Variants in FAM110B observed in about 807,000 individuals in gnomAD.
FAM110B encodes the protein protein FAM110B.
In FAM110B, 6 loss-of-function variants were observed where a neutral mutation model predicts 20.4. The ratio of observed to expected loss-of-function variants is 0.29; its 90% CI spans 0.16 to 0.58. The LOEUF (loss-of-function observed/expected upper bound fraction) is 0.58, where lower values mean the gene tolerates loss of function less well. Among genes scored for constraint, FAM110B ranks in the 20% least tolerant of loss-of-function variants. The pLI, the probability that FAM110B is intolerant of heterozygous loss-of-function variation, is 0.90. For synonymous variants in FAM110B, 226 were observed against 214.1 expected, an observed-to-expected ratio of 1.06 and a Z score of -0.49; for missense variants, 434 against 498.2, an observed-to-expected ratio of 0.87 and a Z score of 1.23.
chr8:58,119,377 G>A (rs549401092), intron 3 of FAM110B, among the ~76,000 whole-genome samples: 1 of 152,292 alleles, frequency 6.6e-6, no homozygotes, highest in Non-Finnish European at 1.5e-5. Flanking sequence ...CTCGCATGGG[G>A]GAAGGGACAG....
At chr8:57,999,219 G>A (rs1484628229) in intron 1 of FAM110B, among the ~76,000 whole-genome samples, 2 of 152,196 alleles carry the variant, frequency 1.3e-5, no homozygotes, top group South Asian at 4.1e-4. Flanking sequence ...GTTCAAAAAT[G>A]AATACCTAAG....
At chr8:58,008,751 G>T (rs370911176) in intron 1 of FAM110B, among the ~76,000 whole-genome samples, 9 of 152,286 alleles carry the variant, frequency 5.9e-5, no homozygotes, top group African/African-American at 2.2e-4. Flanking sequence ...CTGAACTAAG[G>T]CTGACACCAG....
chr8:58,107,376 C>A (rs1424633568), intron 3 of FAM110B, among the ~76,000 whole-genome samples: 1 of 151,794 alleles, frequency 6.6e-6, no homozygotes, highest in East Asian at 1.9e-4. Flanking sequence ...AAAAGAAGGC[C>A]CACCGGGATT....
rs576283823 is a variant in FAM110B at position 58,083,617 on chromosome 8, G to A, written c.-325+7994G>A. On this transcript the variant is annotated intron_variant, in intron 3 of 3. Transcript: ENST00000519262. ...TTAATTCCGCTATTTCGGGGAAGTG[G>A]CACCTTTAAAAGCCCACACTCCAGG... Among the ~76,000 whole-genome samples, 18 of 152,274 alleles carry A rather than the reference G, an allele frequency of 1.2e-4. 1 individual carries two copies. In the South Asian group the frequency reaches 3.7e-3, roughly 32 times the overall value.
intron 2 of FAM110B, among the ~76,000 whole-genome samples, chr8:58,064,065 T>G (rs1585854652): frequency 6.6e-6 from 1 of 151,966 alleles, no homozygotes; most frequent in Non-Finnish European, 1.5e-5. Flanking sequence ...ATGGGGAAGG[T>G]GCCACACATT....
intron 1 of FAM110B, among the ~76,000 whole-genome samples, chr8:58,015,015 G>A (rs973166531): frequency 3.9e-5 from 6 of 152,154 alleles, no homozygotes; most frequent in African/African-American, 7.2e-5. Context: ...TAGTTGATGA[G>A]TTGATGTTCT....
chr8:58,085,810 C>T (rs995557253), intron 3 of FAM110B, among the ~76,000 whole-genome samples: 1 of 152,200 alleles, frequency 6.6e-6, no homozygotes, highest in African/African-American at 2.4e-5. Context: ...TCCCCCACTG[C>T]AGTTCTTGGG....
At chr8:58,089,743 A>G (rs1170005841) in intron 3 of FAM110B, among the ~76,000 whole-genome samples, 2 of 152,242 alleles carry the variant, frequency 1.3e-5, no homozygotes, top group Admixed American at 1.3e-4. Context: ...AAAAGCTCAC[A>G]TAGCTCTTAT....
At chr8:58,046,767 A>T (rs1805326931) in intron 2 of FAM110B, among the ~76,000 whole-genome samples, 1 of 152,196 alleles carries the variant, frequency 6.6e-6, no homozygotes, top group African/African-American at 2.4e-5. Context: ...CATTGATGCC[A>T]AGTCAGGCCA....
At chr8:58,132,083 G>A (rs142189470) in intron 3 of FAM110B, among the ~76,000 whole-genome samples, 16 of 151,746 alleles carry the variant, frequency 1.1e-4, no homozygotes, top group Non-Finnish European at 2.4e-4. Context: ...CACGAAGGAG[G>A]GTGTCGCCAC....
At chr8:58,013,085 G>C (rs1216626748) in intron 1 of FAM110B, among the ~76,000 whole-genome samples, 1 of 152,154 alleles carries the variant, frequency 6.6e-6, no homozygotes, top group Non-Finnish European at 1.5e-5. Flanking sequence ...GCTGTGGAAG[G>C]CCCCTGATGG....
intron 1 of FAM110B, among the ~76,000 whole-genome samples, chr8:57,997,841 A>G (rs148660724): frequency 6.6e-6 from 1 of 152,338 alleles, no homozygotes; most frequent in East Asian, 1.9e-4. Context: ...TCGATGGTTG[A>G]TGGTGGGTGT....
At chr8:58,029,598 G>A (rs1804927173) in intron 1 of FAM110B, among the ~76,000 whole-genome samples, 1 of 152,026 alleles carries the variant, frequency 6.6e-6, no homozygotes, top group South Asian at 2.1e-4. Context: ...GGTTATTTAG[G>A]AAATTAAAGA....
chr8:58,135,421 T>C (rs1359559889), intron 3 of FAM110B, among the ~76,000 whole-genome samples: 1 of 152,248 alleles, frequency 6.6e-6, no homozygotes, highest in Non-Finnish European at 1.5e-5. Context: ...GCAATTTATC[T>C]AATACACTCA....
intron 2 of FAM110B, among the ~76,000 whole-genome samples, chr8:58,066,888 C>T (rs1277056253): frequency 6.6e-6 from 1 of 152,238 alleles, no homozygotes; most frequent in African/African-American, 2.4e-5. Context: ...GCTCAAACGC[C>T]GGTCCTTTAA....
chr8:58,017,612 G>A (rs942509087), intron 1 of FAM110B, among the ~76,000 whole-genome samples: 1 of 152,182 alleles, frequency 6.6e-6, no homozygotes, highest in Non-Finnish European at 1.5e-5. Context: ...AAGTCCAAAA[G>A]ATGTTTTTGT....
chr8:58,073,421 C>G lies in FAM110B; in HGVS notation c.-413-2114C>G, dbSNP rs567210144. Among the ~76,000 whole-genome samples, 7 of 152,250 alleles carry G rather than the reference C, an allele frequency of 4.6e-5. No individual in the cohort carries two copies. The South Asian group carries it at 1.5e-3, about 32-fold the overall frequency. ...TTCCTGCCCATCTTGACATCACCTT[C>G]ACAACTCAGCATTAAGTTGAAGCTG... On this transcript the variant is annotated intron_variant, in intron 2 of 3. Transcript: ENST00000519262.
chr8:58,121,318 A>G (rs937517875), intron 3 of FAM110B, among the ~76,000 whole-genome samples: 7 of 152,206 alleles, frequency 4.6e-5, no homozygotes, highest in Non-Finnish European at 8.8e-5. Flanking sequence ...TGTGGGTCTC[A>G]GAAGTCTAGT....
At chr8:58,071,541 A>G (rs957151405) in intron 2 of FAM110B, among the ~76,000 whole-genome samples, 4 of 152,166 alleles carry the variant, frequency 2.6e-5, no homozygotes, top group African/African-American at 4.8e-5. Context: ...ATCTAGAACT[A>G]TGTTCTGGTT....
Sources: gnomAD v4.1 joint callset for allele counts (sites outside exome capture counted in the v4.1 genomes callset) on GRCh38, gnomAD v4.1.1 for gene constraint, MANE v1.5 for transcripts, NCBI Gene and HGNC (gene_info 2026-07-23, HGNC 2026-07-21) for gene names.